Variants in MADD observed in about 807,000 individuals in gnomAD.
MADD encodes the protein MAP kinase activating death domain.
MADD carries 109 observed loss-of-function variants against 176.7 expected under a neutral mutation model. The observed-to-expected ratio is 0.62, with a 90% CI of 0.53 to 0.72. The LOEUF is 0.72. Ranked by LOEUF, MADD falls within the 30% of genes least tolerant of loss-of-function variation. MADD has a pLI of 0.00. For missense variants in MADD, 1,914 were observed against 2,045.5 expected (o/e 0.94, Z 1.24); for synonymous variants, 771 against 771.3 (o/e 1.00, Z 0.01).
chr11:47,324,598 G>A (rs1257238099), intron 30 of MADD, 21 bp downstream of exon 33: 7 of 1,536,256 alleles, frequency 4.6e-6, no homozygotes, highest in Non-Finnish European at 1.8e-6. Flanking sequence ...GCGGCAGCAC[G>A]AGGCTCCCTG....
chr11:47,288,749 C>T (rs1450903832), intron 15 of MADD, among the ~76,000 whole-genome samples: 2 of 152,152 alleles, frequency 1.3e-5, no homozygotes, highest in Admixed American at 6.5e-5. Context: ...ATTTACCCGC[C>T]CCTGGCTTGA....
At chr11:47,324,534 A>G in exon 30 of MADD, 1 of 1,614,070 alleles carries the variant, frequency 6.2e-7, no homozygotes, top group Non-Finnish European at 8.5e-7. Flanking sequence ...GGCCTGCTGC[A>G]GGTGACCCTG....
At chr11:47,296,985 G>A (rs2072962260) in intron 22 of MADD, among the ~76,000 whole-genome samples, 1 of 152,026 alleles carries the variant, frequency 6.6e-6, no homozygotes, top group South Asian at 2.1e-4. Flanking sequence ...CTGTTGTCTA[G>A]GCCAGTCTCA....
intron 20 of MADD, among the ~76,000 whole-genome samples, chr11:47,294,913 T>A (rs1366684339): frequency 6.6e-6 from 1 of 152,176 alleles, no homozygotes; most frequent in Non-Finnish European, 1.5e-5. Flanking sequence ...AAAACAGTGG[T>A]TAACGTGGGA....
chr11:47,284,300 AT>A lies in MADD; in HGVS notation c.1966+21del. 6.2e-7 allele frequency: 1 copy of A among 1,613,430 alleles called. No homozygotes were observed. The highest frequency in any genetic ancestry group is 2.2e-5 in the East Asian group (1 of 44,866). On this transcript the variant is annotated intron_variant, in intron 11 of 32. Transcript: ENST00000402192. ...ACTCCCAGTAAGTGTGCTTGGGGAG[AT>A]TGGCCAGCCCTGGGCAGGGGTTGGG...
chr11:47,328,032 T>C, intron 31 of MADD: 1 of 990,318 alleles, frequency 1.0e-6, no homozygotes. Context: ...CTGCTGGGTG[T>C]GTTGCTCCAG....
At chr11:47,274,817 C>A (rs766882618) in exon 3 of MADD, 1 of 1,614,236 alleles carries the variant, frequency 6.2e-7, no homozygotes, top group South Asian at 1.1e-5. Context: ...AAGCGAATCT[C>A]TAAGGAGAAG....
intron 8 of MADD, 83 bp from the exon 9 acceptor site, chr11:47,282,298 G>A (rs534108936): frequency 9.2e-7 from 1 of 1,083,238 alleles, no homozygotes; most frequent in East Asian, 2.4e-5. Flanking sequence ...TTAAGTGATG[G>A]CTTTGGGAGG....
intron 27 of MADD, 48 bp from the exon 31 acceptor site, chr11:47,323,623 A>G (rs762606569): frequency 1.0e-5 from 16 of 1,594,856 alleles, no homozygotes; most frequent in Middle Eastern, 4.5e-4. Context: ...GTCTAGGGAG[A>G]GGCTGTCAGA....
chr11:47,299,013 G>T (rs1302932817), intron 22 of MADD, among the ~76,000 whole-genome samples: 2 of 152,084 alleles, frequency 1.3e-5, no homozygotes, highest in African/African-American at 4.8e-5. Context: ...TTCTTTCTGG[G>T]TTCTCTATTC....
chr11:47,274,693 C>T (rs773065625), exon 3 of MADD: 8 of 1,614,176 alleles, frequency 5.0e-6, no homozygotes, highest in Non-Finnish European at 6.8e-6. Context: ...CCTGAGCGTG[C>T]GGCAGCGGCG....
intron 25 of MADD, among the ~76,000 whole-genome samples, chr11:47,311,314 G>A (rs1316872164): frequency 6.6e-6 from 1 of 152,182 alleles, no homozygotes; most frequent in African/African-American, 2.4e-5. Flanking sequence ...AGTTGACTCT[G>A]GCTGAGAAAC....
At chr11:47,287,259 T>A (rs949504041) in intron 15 of MADD, among the ~76,000 whole-genome samples, 5 of 151,976 alleles carry the variant, frequency 3.3e-5, no homozygotes, top group African/African-American at 1.2e-4. Context: ...GAGGCGGAGG[T>A]TGCAGTGAGC....
At chr11:47,289,811 G>C (rs550564901) in intron 16 of MADD, 56 bp from the exon 18 acceptor site, 20 of 1,578,578 alleles carry the variant, frequency 1.3e-5, no homozygotes, top group African/African-American at 4.0e-5. Flanking sequence ...GGTGAAAGGT[G>C]GGGGGTGCTC....
At chr11:47,279,413 C>G (rs2054073018) in intron 7 of MADD, among the ~76,000 whole-genome samples, 1 of 118,628 alleles carries the variant, frequency 8.4e-6, no homozygotes, top group Non-Finnish European at 1.6e-5. Context: ...GATGTGGAGT[C>G]TTGCTCTGTC....
exon 4 of MADD, chr11:47,276,151 A>G (rs1389308916): frequency 1.9e-6 from 3 of 1,614,096 alleles, no homozygotes; most frequent in Admixed American, 1.7e-5. Context: ...TGGAACTTCT[A>G]GGTGTGGACG....
intron 22 of MADD, among the ~76,000 whole-genome samples, chr11:47,297,884 G>A (rs1258602493): frequency 6.7e-6 from 1 of 148,220 alleles, no homozygotes; most frequent in African/African-American, 2.5e-5. Flanking sequence ...CACCTCCCAG[G>A]TTCACACCAT....
chr11:47,296,097 G>A (rs1365018004), intron 22 of MADD, 42 bp downstream of exon 24: 1 of 1,596,486 alleles, frequency 6.3e-7, no homozygotes, highest in South Asian at 1.1e-5. Context: ...TTTCTTTAAT[G>A]GGGGAGGGAA....
At chr11:47,281,068 A>C (rs1190571704) in intron 7 of MADD, among the ~76,000 whole-genome samples, 2 of 152,080 alleles carry the variant, frequency 1.3e-5, no homozygotes, top group Non-Finnish European at 2.9e-5. Context: ...CTCCTCACTC[A>C]CATTTGAGAA....
Sources: gnomAD v4.1 joint callset for allele counts (sites outside exome capture counted in the v4.1 genomes callset) on GRCh38, gnomAD v4.1.1 for gene constraint, MANE v1.5 for transcripts, NCBI Gene and HGNC (gene_info 2026-07-23, HGNC 2026-07-21) for gene names.